Variants in FSTL5 observed in about 807,000 individuals in gnomAD.
FSTL5 encodes follistatin like 5, also known as follistatin-related protein 5.
Under a neutral mutation model 89.1 loss-of-function variants are expected in FSTL5, and 62 were observed. The ratio of observed to expected loss-of-function variants is 0.70; its 90% CI spans 0.57 to 0.86. The LOEUF (loss-of-function observed/expected upper bound fraction) is 0.86. Ranked by LOEUF, FSTL5 falls within the 40% of genes least tolerant of loss-of-function variation. FSTL5 has a pLI of 0.00. For synonymous variants in FSTL5, 383 were observed against 346.2 expected (o/e 1.11, Z -1.18); for missense variants, 1,057 against 1,001.6 (o/e 1.06, Z -0.75).
At position 162,051,167 on chromosome 4, in the gene FSTL5, T is replaced by C. The variant is rs1738368136; in HGVS notation, c.127-17509A>G. 2.0e-5 allele frequency among the ~76,000 whole-genome samples: 3 copies of C among 151,422 alleles called. No homozygotes were observed. The South Asian group carries it at 6.2e-4, about 31-fold the overall frequency. ...TAAATTTGGTGTATCAATACTAAAA[T>C]CTCAGATAAAATGTTGATTAAAAAT... On this transcript the variant is annotated intron_variant, in intron 2 of 15. Transcript: ENST00000306100.
At chr4:161,663,271 A>G (rs1736777015) in intron 6 of FSTL5, among the ~76,000 whole-genome samples, 1 of 152,146 alleles carries the variant, frequency 6.6e-6, no homozygotes, top group Admixed American at 6.6e-5. Context: ...TTAACCCAAA[A>G]GTCCACAGTC....
intron 4 of FSTL5, among the ~76,000 whole-genome samples, chr4:161,873,090 T>C (rs2126902096): frequency 6.6e-6 from 1 of 152,188 alleles, no homozygotes; most frequent in Non-Finnish European, 1.5e-5. Flanking sequence ...GGTTTCTAAA[T>C]TTTTCTGAGA....
intron 1 of FSTL5, among the ~76,000 whole-genome samples, chr4:162,121,839 C>T (rs148325992): frequency 6.6e-6 from 1 of 152,178 alleles, no homozygotes; most frequent in African/African-American, 2.4e-5. Context: ...CTTCTTCTTC[C>T]TCCTCAGCCT....
chr4:161,493,696 C>G (rs1578876252), intron 12 of FSTL5, among the ~76,000 whole-genome samples: 1 of 152,068 alleles, frequency 6.6e-6, no homozygotes. Flanking sequence ...ATCTAAATAA[C>G]CTTAAACACG....
intron 6 of FSTL5, among the ~76,000 whole-genome samples, chr4:161,671,061 C>T (rs547500308): frequency 1.1e-4 from 16 of 152,274 alleles, no homozygotes; most frequent in South Asian, 2.1e-4. Context: ...CAGTCCAGCT[C>T]TAATCAGCTA....
At chr4:162,066,373 CCTTCTT>C (rs1194587094) in intron 2 of FSTL5, among the ~76,000 whole-genome samples, 2 of 56,238 alleles carry the variant, frequency 3.6e-5, no homozygotes, top group African/African-American at 6.4e-5. Flanking sequence ...TTCTTCTTCT[CCTTCTT>C]CTTCTTCTTC....
intron 15 of FSTL5, among the ~76,000 whole-genome samples, chr4:161,412,814 G>A (rs572253364): frequency 6.6e-6 from 1 of 152,106 alleles, no homozygotes; most frequent in Non-Finnish European, 1.5e-5. Context: ...AAAAAGCAAC[G>A]TGGAAAGGAC....
At chr4:162,092,105 A>T (rs1336414538) in intron 2 of FSTL5, among the ~76,000 whole-genome samples, 1 of 152,062 alleles carries the variant, frequency 6.6e-6, no homozygotes, top group Non-Finnish European at 1.5e-5. Context: ...CATTAATACA[A>T]TGGTTGTCTA....
chr4:162,149,237 G>A (rs1319803735), intron 1 of FSTL5, among the ~76,000 whole-genome samples: 2 of 152,152 alleles, frequency 1.3e-5, no homozygotes, highest in African/African-American at 2.4e-5. Flanking sequence ...TGCTGGGTGC[G>A]GTGGCTCACG....
At chr4:161,667,788 T>C (rs1403164019) in intron 6 of FSTL5, among the ~76,000 whole-genome samples, 2 of 152,072 alleles carry the variant, frequency 1.3e-5, no homozygotes, top group South Asian at 2.1e-4. Context: ...CTTGTGATCA[T>C]GAATGGGAAC....
chr4:161,724,241 G>A (rs1007124906), intron 6 of FSTL5, among the ~76,000 whole-genome samples: 8 of 152,022 alleles, frequency 5.3e-5, no homozygotes, highest in Middle Eastern at 3.2e-3. Flanking sequence ...ATGCTAACAC[G>A]TCTTAAATAT....
At chr4:161,448,814 A>T (rs1055557309) in intron 15 of FSTL5, among the ~76,000 whole-genome samples, 1 of 152,088 alleles carries the variant, frequency 6.6e-6, no homozygotes, top group Admixed American at 6.6e-5. Flanking sequence ...ACTGTTGAGG[A>T]TCCTAAAGGA....
intron 1 of FSTL5, among the ~76,000 whole-genome samples, chr4:162,153,728 G>GTATATTATATATGTATAT: frequency 1.2e-5 from 1 of 83,868 alleles, no homozygotes; most frequent in Non-Finnish European, 2.4e-5. Context: ...AATAATATAT[G>GTATATTATATATGTATAT]TATATATGTA....
At chr4:161,678,629 C>T (rs752379252) in intron 6 of FSTL5, among the ~76,000 whole-genome samples, 6 of 151,736 alleles carry the variant, frequency 4.0e-5, no homozygotes, top group South Asian at 2.1e-4. Flanking sequence ...AAACTGCAAA[C>T]TCAGTGAAGG....
rs1376117311 is a variant in FSTL5, at chr4:161,697,494, T to C, written c.728-41000A>G. ...ATTGTATATATTATTGTGTGCAACA[T>C]AAAGTTTTGAAGTATATATGCATTA... On this transcript the variant is annotated intron_variant, in intron 6 of 15. Transcript: ENST00000306100. Among the ~76,000 whole-genome samples, 3 of 152,206 alleles carry C rather than the reference T, an allele frequency of 2.0e-5. No homozygotes were observed. In the East Asian group the frequency reaches 5.8e-4, roughly 29 times the overall value.
chr4:161,580,807 CA>C (rs35562826), intron 8 of FSTL5, among the ~76,000 whole-genome samples: 3 of 151,796 alleles, frequency 2.0e-5, no homozygotes, highest in Non-Finnish European at 4.4e-5. Flanking sequence ...AAAGTAAGTG[CA>C]AAAAAAGCAA....
In FSTL5 at chr4:162,141,106, C is replaced by CTCTT. The variant is rs1393343548; in HGVS notation, c.-17+22508_-17+22509insAAGA. 4.5e-3 allele frequency among the ~76,000 whole-genome samples: 197 copies of CTCTT among 44,018 alleles called. 21 individuals are homozygous for CTCTT. The highest frequency in any genetic ancestry group is 6.9e-3 in the Admixed American group (20 of 2,916). The allele number at this position is 44,018 out of a possible 152,430, so 28.9% of individuals were successfully genotyped here. ...AGTGTGGCACCTCCCTCCCTTCTCT[C>CTCTT]TTTTTTTTTTTTTTTTTTTTTTTTT... On this transcript the variant is annotated intron_variant, in intron 1 of 15. Coordinates refer to ENST00000306100, the MANE Select transcript of FSTL5 (RefSeq NM_020116.5).
chr4:161,887,325 G>A (rs1312953880), intron 4 of FSTL5, among the ~76,000 whole-genome samples: 1 of 151,976 alleles, frequency 6.6e-6, no homozygotes, highest in East Asian at 1.9e-4. Context: ...ATATCTCTAG[G>A]AACACTTAGA....
At chr4:161,429,153 T>A (rs1732266564) in intron 15 of FSTL5, among the ~76,000 whole-genome samples, 7 of 151,866 alleles carry the variant, frequency 4.6e-5, no homozygotes, top group Admixed American at 3.9e-4. Context: ...GGGAAGGGCT[T>A]TTTTGTGTGT....
Sources: allele counts gnomAD v4.1 joint callset (sites outside exome capture counted in the v4.1 genomes callset), GRCh38; gene constraint gnomAD v4.1.1; transcripts MANE v1.5; gene names NCBI Gene and HGNC (gene_info 2026-07-23, HGNC 2026-07-21).